NRXN3: variants seen among roughly 807,000 people sequenced by gnomAD.
The protein encoded by NRXN3 is neurexin III.
In NRXN3, 32 loss-of-function variants were observed where a neutral mutation model predicts 137.6. That is an observed-to-expected ratio of 0.23 (90% CI 0.18 to 0.31). The LOEUF (loss-of-function observed/expected upper bound fraction) is 0.31. Among genes scored for constraint, NRXN3 ranks in the 10% least tolerant of loss-of-function variants. The probability of loss-of-function intolerance (pLI) is 1.00; values close to 1 mark genes in which losing one functional copy is unlikely to be tolerated. For synonymous variants in NRXN3, 798 were observed against 784.5 expected, an observed-to-expected ratio of 1.02 and a Z score of -0.29; for missense variants, 1,574 against 2,062.5, an observed-to-expected ratio of 0.76 and a Z score of 4.59.
chr14:79,720,985 G>A (rs1366822929), intron 19 of NRXN3, among the ~76,000 whole-genome samples: 1 of 152,090 alleles, frequency 6.6e-6, no homozygotes, highest in South Asian at 2.1e-4. Context: ...AAAATACTGA[G>A]TGAGTTTTGC....
chr14:79,376,755 GT>G (rs375020113), intron 15 of NRXN3, among the ~76,000 whole-genome samples: 1 of 152,260 alleles, frequency 6.6e-6, no homozygotes, highest in African/African-American at 2.4e-5. Flanking sequence ...GGTGTGGTGT[GT>G]TTCCTATTTG....
chr14:79,700,915 A>T (rs1031375875), intron 19 of NRXN3, among the ~76,000 whole-genome samples: 12 of 152,102 alleles, frequency 7.9e-5, no homozygotes, highest in Admixed American at 2.0e-4. Flanking sequence ...ATTGAATTTT[A>T]AAAAATTTAA....
At chr14:79,093,403 C>A (rs1325086626) in intron 15 of NRXN3, among the ~76,000 whole-genome samples, 1 of 152,218 alleles carries the variant, frequency 6.6e-6, no homozygotes, top group Non-Finnish European at 1.5e-5. Flanking sequence ...TCATGGGAAA[C>A]AACTGAGAAA....
intron 19 of NRXN3, among the ~76,000 whole-genome samples, chr14:79,758,401 G>A (rs1173861146): frequency 1.3e-5 from 2 of 152,064 alleles, no homozygotes. Flanking sequence ...CTCATGGAGA[G>A]AGAGGGAGAG....
At chr14:79,068,616 T>C (rs1428268558) in intron 15 of NRXN3, among the ~76,000 whole-genome samples, 1 of 152,148 alleles carries the variant, frequency 6.6e-6, no homozygotes, top group African/African-American at 2.4e-5. Context: ...ATTTTAGCAT[T>C]TAATTTCCTG....
intron 14 of NRXN3, among the ~76,000 whole-genome samples, chr14:78,986,202 C>A (rs990326817): frequency 6.6e-6 from 1 of 152,080 alleles, no homozygotes; most frequent in South Asian, 2.1e-4. Context: ...GCTGTTATTG[C>A]AATGGTAATA....
intron 4 of NRXN3, among the ~76,000 whole-genome samples, chr14:78,486,388 A>C (rs1425861291): frequency 6.6e-6 from 1 of 152,188 alleles, no homozygotes; most frequent in Non-Finnish European, 1.5e-5. Flanking sequence ...TTTTTCTCAG[A>C]AGGCTAACTT....
intron 15 of NRXN3, among the ~76,000 whole-genome samples, chr14:79,208,659 A>G (rs1270021925): frequency 6.6e-6 from 1 of 152,212 alleles, no homozygotes; most frequent in East Asian, 1.9e-4. Context: ...CTATTGTATG[A>G]AATAGCACAA....
chr14:79,605,678 C>A (rs2098001565), intron 16 of NRXN3, among the ~76,000 whole-genome samples: 1 of 152,028 alleles, frequency 6.6e-6, no homozygotes, highest in African/African-American at 2.4e-5. Context: ...TTAGTAGAGA[C>A]AGGGTTTCAC....
At chr14:78,962,506 T>G (rs575299188) in intron 11 of NRXN3, among the ~76,000 whole-genome samples, 7 of 152,092 alleles carry the variant, frequency 4.6e-5, no homozygotes, top group African/African-American at 1.4e-4. Context: ...TCAGAGGAGA[T>G]GAGTGAAAGG....
At chr14:78,748,080 A>G (rs1017542310) in intron 8 of NRXN3, among the ~76,000 whole-genome samples, 2 of 152,058 alleles carry the variant, frequency 1.3e-5, no homozygotes, top group South Asian at 4.1e-4. Flanking sequence ...CTCTTTCAAC[A>G]TTTTCTAATT....
chr14:78,801,886 C>T (rs1595988384), intron 8 of NRXN3, among the ~76,000 whole-genome samples: 1 of 152,158 alleles, frequency 6.6e-6, no homozygotes, highest in African/African-American at 2.4e-5. Context: ...ATGTTACTTG[C>T]TTTGTATTTA....
intron 4 of NRXN3, among the ~76,000 whole-genome samples, chr14:78,557,108 G>A (rs1351377555): frequency 6.7e-6 from 1 of 149,666 alleles, no homozygotes; most frequent in African/African-American, 2.5e-5. Flanking sequence ...TGCAGTGCAT[G>A]ATCATGGCTG....
chr14:79,511,666 T>G (rs1261035898), intron 16 of NRXN3, among the ~76,000 whole-genome samples: 1 of 152,168 alleles, frequency 6.6e-6, no homozygotes, highest in Non-Finnish European at 1.5e-5. Flanking sequence ...CATTTAGTTG[T>G]TAAACCTGCT....
At chr14:79,777,827 A>T (rs546901758) in intron 19 of NRXN3, among the ~76,000 whole-genome samples, 2,752 of 151,956 alleles carry the variant, frequency 0.018, 45 homozygotes, top group Non-Finnish European at 0.029. Flanking sequence ...ATAAAAAAAA[A>T]TTTAACAGGC....
intron 15 of NRXN3, among the ~76,000 whole-genome samples, chr14:79,005,401 T>C (rs2099550302): frequency 6.6e-6 from 1 of 152,224 alleles, no homozygotes; most frequent in African/African-American, 2.4e-5. Flanking sequence ...GTCCCTAAAT[T>C]GTGACCATTT....
intron 15 of NRXN3, among the ~76,000 whole-genome samples, chr14:79,085,419 G>A (rs10131285): frequency 0.043 from 6,606 of 152,054 alleles, 525 homozygotes; most frequent in African/African-American, 0.15. Context: ...TAATTTTCTG[G>A]TGATGTCATA....
intron 16 of NRXN3, among the ~76,000 whole-genome samples, chr14:79,486,406 A>G (rs1305384483): frequency 6.6e-6 from 1 of 152,238 alleles, no homozygotes; most frequent in African/African-American, 2.4e-5. Flanking sequence ...GATTAGATAC[A>G]TATATATCCC....
intron 4 of NRXN3, among the ~76,000 whole-genome samples, chr14:78,412,236 C>G (rs1023812828): frequency 1.3e-5 from 2 of 152,192 alleles, no homozygotes; most frequent in African/African-American, 2.4e-5. Context: ...CCAATAAGGT[C>G]TGTGACTTCT....
Sources: gnomAD v4.1 joint callset for allele counts (sites outside exome capture counted in the v4.1 genomes callset) on GRCh38, gnomAD v4.1.1 for gene constraint, MANE v1.5 for transcripts, NCBI Gene and HGNC (gene_info 2026-07-23, HGNC 2026-07-21) for gene names.